The following THSD7B variants were observed in gnomAD, a reference collection of about 807,000 sequenced individuals.
The protein encoded by THSD7B is thrombospondin type 1 domain containing 7B.
A neutral mutation model predicts 213.6 loss-of-function variants in THSD7B; 138 were observed. That is an observed-to-expected ratio of 0.65 (90% CI 0.56 to 0.74). The LOEUF is 0.74. THSD7B is among the 30% of genes least tolerant of loss of function. The pLI is 0.00. For synonymous variants in THSD7B, 742 were observed against 687.0 expected (o/e 1.08, Z -1.25); for missense variants, 1,931 against 1,991.5 (o/e 0.97, Z 0.58).
chr2:137,632,127 ATCGTGTACATCTGACAC>A (rs1414598769), intron 20 of THSD7B, among the ~76,000 whole-genome samples: 1 of 152,160 alleles, frequency 6.6e-6, no homozygotes, highest in African/African-American at 2.4e-5. Flanking sequence ...TTCCACTATG[ATCGTGTACATCTGACAC>A]TCTGTATCAC....
At chr2:137,294,124 T>C (rs1482693747) in intron 12 of THSD7B, among the ~76,000 whole-genome samples, 1 of 152,006 alleles carries the variant, frequency 6.6e-6, no homozygotes, top group Non-Finnish European at 1.5e-5. Context: ...TTTTAAGTGC[T>C]AACTTGTAAT....
intron 14 of THSD7B, among the ~76,000 whole-genome samples, chr2:137,420,986 G>C (rs1222503766): frequency 1.3e-5 from 2 of 152,000 alleles, no homozygotes; most frequent in Non-Finnish European, 2.9e-5. Flanking sequence ...CTTTAAATCC[G>C]GTGGCATAGC....
At chr2:136,907,726 G>A (rs1474786313) in intron 2 of THSD7B, among the ~76,000 whole-genome samples, 1 of 152,198 alleles carries the variant, frequency 6.6e-6, no homozygotes, top group Non-Finnish European at 1.5e-5. Flanking sequence ...AGAAGCTGAA[G>A]TAATAATTAT....
intron 3 of THSD7B, among the ~76,000 whole-genome samples, chr2:137,066,983 C>T (rs564794419): frequency 1.6e-4 from 24 of 152,200 alleles, no homozygotes; most frequent in African/African-American, 5.1e-4. Context: ...ATGAGCCTAT[C>T]AAAGGTACTT....
chr2:137,587,671 G>A (rs1681767926), intron 17 of THSD7B, among the ~76,000 whole-genome samples: 1 of 152,224 alleles, frequency 6.6e-6, no homozygotes, highest in Non-Finnish European at 1.5e-5. Context: ...AACAGCAAAT[G>A]TTGCTGTCTG....
intron 15 of THSD7B, among the ~76,000 whole-genome samples, chr2:137,540,067 T>C (rs1450359966): frequency 6.6e-6 from 1 of 151,654 alleles, no homozygotes; most frequent in East Asian, 1.9e-4. Context: ...AAGTGTGAGA[T>C]ATAGAAAAGG....
intron 12 of THSD7B, among the ~76,000 whole-genome samples, chr2:137,380,171 G>A (rs2104962472): frequency 6.6e-6 from 1 of 152,086 alleles, no homozygotes; most frequent in Middle Eastern, 3.4e-3. Context: ...TAACACTTTT[G>A]GAGGCCAAGG....
At chr2:137,402,600 T>C (rs1325840482) in intron 12 of THSD7B, among the ~76,000 whole-genome samples, 1 of 151,950 alleles carries the variant, frequency 6.6e-6, no homozygotes, top group Non-Finnish European at 1.5e-5. Flanking sequence ...GCAGATCACT[T>C]GAGGTCAAGT....
intron 1 of THSD7B, among the ~76,000 whole-genome samples, chr2:136,876,941 T>C (rs1683534590): frequency 6.6e-6 from 1 of 152,198 alleles, no homozygotes; most frequent in South Asian, 2.1e-4. Context: ...TCTCCAGCTC[T>C]GCTGTAGCTG....
intron 2 of THSD7B, among the ~76,000 whole-genome samples, chr2:136,899,704 T>G (rs1168695031): frequency 6.6e-6 from 1 of 152,214 alleles, no homozygotes; most frequent in Non-Finnish European, 1.5e-5. Context: ...ATTCATGTGT[T>G]GGATGCTTGA....
intron 2 of THSD7B, among the ~76,000 whole-genome samples, chr2:137,052,009 T>C (rs1447354596): frequency 6.6e-6 from 1 of 152,176 alleles, no homozygotes; most frequent in African/African-American, 2.4e-5. Context: ...TTTCTGCTTC[T>C]AGCATTCACA....
At chr2:136,796,396 G>A (rs2710188) in intron 1 of THSD7B, among the ~76,000 whole-genome samples, 3 of 151,718 alleles carry the variant, frequency 2.0e-5, no homozygotes, top group South Asian at 2.1e-4. Context: ...TTTTGACCTC[G>A]CATGGAAACT....
intron 2 of THSD7B, chr2:136,990,750 C>G (rs1189010320): frequency 2.2e-6 from 1 of 447,470 alleles, no homozygotes; most frequent in East Asian, 7.4e-5. Flanking sequence ...GTTTGTTCTT[C>G]CCCTTCTCTA....
chr2:137,607,052 C>A (rs1282409260), intron 17 of THSD7B, among the ~76,000 whole-genome samples: 1 of 152,056 alleles, frequency 6.6e-6, no homozygotes, highest in Non-Finnish European at 1.5e-5. Context: ...GTGCTAGATA[C>A]ATGTTTTAAT....
At chr2:137,274,475 A>T (rs74588727) in intron 11 of THSD7B, among the ~76,000 whole-genome samples, 4,102 of 152,184 alleles carry the variant, frequency 0.027, 107 homozygotes, top group Middle Eastern at 0.099. Flanking sequence ...GGCAATAAGA[A>T]GTTGACAAGA....
intron 1 of THSD7B, among the ~76,000 whole-genome samples, chr2:136,873,815 ACTGT>A (rs1309643284): frequency 6.6e-6 from 1 of 152,136 alleles, no homozygotes; most frequent in East Asian, 1.9e-4. Flanking sequence ...GTTATCAATG[ACTGT>A]CCTCCTCATT....
chr2:137,323,447 T>A (rs538546981), intron 12 of THSD7B, among the ~76,000 whole-genome samples: 14 of 152,300 alleles, frequency 9.2e-5, no homozygotes, highest in African/African-American at 2.6e-4. Flanking sequence ...ACCACATCCT[T>A]CTACTATTCA....
In THSD7B at chr2:137,513,758, C is replaced by T. The variant is rs558212725; in HGVS notation, c.3139-49463C>T. ...ATTATTCTGGAACCTGATTCTTATT[C>T]AGAAGTTGTCCAGACAACCAGGAGA... On this transcript the variant is annotated intron_variant, in intron 15 of 27. Coordinates refer to ENST00000409968, the MANE Select transcript of THSD7B (RefSeq NM_001316349.2). Among the ~76,000 whole-genome samples, 73 of 152,242 alleles carry T rather than the reference C, an allele frequency of 4.8e-4. 1 individual carries two copies. Among genetic ancestry groups the T allele is most frequent in the Middle Eastern group, 3.4e-3 (1 of 294 alleles).
chr2:137,486,463 C>T (rs928342071), intron 15 of THSD7B, among the ~76,000 whole-genome samples: 91 of 151,468 alleles, frequency 6.0e-4, no homozygotes, highest in African/African-American at 1.8e-3. Context: ...TATATATGCA[C>T]CCAATACAGG....
Sources: allele counts gnomAD v4.1 joint callset (sites outside exome capture counted in the v4.1 genomes callset), GRCh38; gene constraint gnomAD v4.1.1; transcripts MANE v1.5; gene names NCBI Gene and HGNC (gene_info 2026-07-23, HGNC 2026-07-21).